JAK1: variants seen among roughly 807,000 people sequenced by gnomAD.
JAK1 encodes Janus kinase 1.
In JAK1, 16 loss-of-function variants were observed where a neutral mutation model predicts 136.6. That is an observed-to-expected ratio of 0.12 (90% CI 0.08 to 0.18). The LOEUF is 0.18. JAK1 is among the 10% of genes least tolerant of loss of function. The pLI, the probability that JAK1 is intolerant of heterozygous loss-of-function variation, is 1.00. For missense variants in JAK1, 859 were observed against 1,450.1 expected, an observed-to-expected ratio of 0.59 and a Z score of 6.62; for synonymous variants, 492 against 519.5, an observed-to-expected ratio of 0.95 and a Z score of 0.72.
chr1:64,921,883 A>C (rs926890054), intron 1 of JAK1, among the ~76,000 whole-genome samples: 5 of 152,012 alleles, frequency 3.3e-5, no homozygotes, highest in African/African-American at 1.2e-4. Context: ...ATAATTCTTG[A>C]ACTCTGTCCT....
chr1:64,936,619 A>C (rs1365607371), intron 1 of JAK1, among the ~76,000 whole-genome samples: 1 of 152,236 alleles, frequency 6.6e-6, no homozygotes, highest in African/African-American at 2.4e-5. Context: ...GAAACAGCAC[A>C]GCCCTGTGAC....
intron 4 of JAK1, among the ~76,000 whole-genome samples, chr1:64,876,771 T>A (rs923921757): frequency 6.6e-6 from 1 of 152,142 alleles, no homozygotes; most frequent in African/African-American, 2.4e-5. Context: ...CCTGCCTATA[T>A]TCCTTTTCAA....
At chr1:64,964,016 A>C in intron 1 of JAK1, among the ~76,000 whole-genome samples, 1 of 152,184 alleles carries the variant, frequency 6.6e-6, no homozygotes, top group Non-Finnish European at 1.5e-5. Flanking sequence ...TACCCTTACT[A>C]GTCTAAAAAA....
intron 1 of JAK1, among the ~76,000 whole-genome samples, chr1:64,953,368 G>A (rs1646125168): frequency 1.3e-5 from 2 of 152,172 alleles, no homozygotes; most frequent in Middle Eastern, 3.4e-3. Flanking sequence ...TGAGCCCAAA[G>A]TCACAGAGCT....
chr1:65,047,389 C>T (rs559988168), intron 1 of JAK1, among the ~76,000 whole-genome samples: 7 of 152,182 alleles, frequency 4.6e-5, no homozygotes, highest in African/African-American at 1.7e-4. Context: ...ACATTTGAAC[C>T]TGGTCCTACT....
chr1:64,904,697 C>T (rs1645164023), intron 1 of JAK1, among the ~76,000 whole-genome samples: 1 of 152,018 alleles, frequency 6.6e-6, no homozygotes, highest in African/African-American at 2.4e-5. Flanking sequence ...ACCAGATTCT[C>T]TAGAAAAGGC....
chr1:65,011,887 G>T (rs1164712608), intron 2 of JAK1, among the ~76,000 whole-genome samples: 1 of 152,248 alleles, frequency 6.6e-6, no homozygotes, highest in African/African-American at 2.4e-5. Context: ...GGCCTGAGGG[G>T]CTTCTCTTCT....
Position 64,873,428 on chromosome 1 carries a change from T to C in JAK1, c.425A>G (p.Lys142Arg), listed in dbSNP as rs369863159. The C allele has an allele frequency of 7.4e-6, 12 of 1,613,534 alleles. No homozygotes were observed. The highest frequency in any genetic ancestry group is 1.7e-5 in the Admixed American group (1 of 59,986). ...AAGGAGAGGGGTTGCATCTGGAATC[T>C]TTTTTTTCTCGTAGCCATTTTTCTG... ...KKQKNGYEKK[K>R]IPDATPLLDA... The change falls in exon 5 of 25, where the codon AAG becomes AGG. Residue 142 changes from lysine to arginine, a missense_variant. Physicochemically the swap from Lys to Arg is conservative, Grantham distance 26. Around this residue, in one of 4 missense-constraint regions of JAK1, gnomAD observed 353 missense variants for 494.0 expected, o/e 0.71. Coordinates refer to ENST00000342505, the MANE Select transcript of JAK1 (RefSeq NM_002227.4).
chr1:65,056,350 T>C (rs1460761922), intron 1 of JAK1, among the ~76,000 whole-genome samples: 1 of 152,192 alleles, frequency 6.6e-6, no homozygotes, highest in African/African-American at 2.4e-5. Context: ...CAAGTGTGGC[T>C]CAAGGGATCA....
chr1:65,045,637 T>C (rs1032409541), intron 1 of JAK1, among the ~76,000 whole-genome samples: 3 of 152,174 alleles, frequency 2.0e-5, no homozygotes, highest in Admixed American at 1.3e-4. Flanking sequence ...AGAACTGTCA[T>C]GAGGACTAAA....
rs1007746850 is a variant in JAK1 at position 64,999,903 on chromosome 1, T to C, written c.-78+44577A>G. Reference sequence around the variant, plus strand: ...ATCCATCTCTATATTCTGGCATGTCTGGCATGTGATGGGCACTCAAGCAAT... The same window carrying C: ...ATCCATCTCTATATTCTGGCATGTCCGGCATGTGATGGGCACTCAAGCAAT... On this transcript the variant is annotated intron_variant, in intron 2 of 25. Transcript: ENST00000671954. Among the ~76,000 whole-genome samples the C allele has an allele frequency of 4.6e-5, 7 of 152,246 alleles. No individual in the cohort carries two copies. The South Asian group carries it at 1.2e-3, about 27-fold the overall frequency.
At chr1:65,019,058 G>T (rs1005489765) in intron 2 of JAK1, among the ~76,000 whole-genome samples, 10 of 151,848 alleles carry the variant, frequency 6.6e-5, no homozygotes, top group African/African-American at 2.2e-4. Flanking sequence ...CAAAAATCTC[G>T]AACAATCCTA....
chr1:64,872,365 T>C (rs1657124049), intron 5 of JAK1, among the ~76,000 whole-genome samples: 1 of 152,228 alleles, frequency 6.6e-6, no homozygotes, highest in Admixed American at 6.5e-5. Context: ...CAGATTCCTT[T>C]TTATTCTTCA....
intron 1 of JAK1, among the ~76,000 whole-genome samples, chr1:64,901,305 TATA>T (rs1013825267): frequency 4.6e-5 from 7 of 152,234 alleles, no homozygotes. Flanking sequence ...AAAACTGTTT[TATA>T]ATATTAAATG....
At chr1:64,992,819 G>A (rs2100728343) in intron 2 of JAK1, 1 of 151,306 alleles carries the variant, frequency 6.6e-6, no homozygotes, top group East Asian at 2.0e-4. Context: ...AATCCAGGAG[G>A]TGGAGCTTGC....
intron 1 of JAK1, among the ~76,000 whole-genome samples, chr1:64,905,586 C>G (rs1015749051): frequency 2.6e-5 from 4 of 151,836 alleles, no homozygotes; most frequent in Non-Finnish European, 5.9e-5. Flanking sequence ...TCCCTGTCTT[C>G]ACTCCCTTAA....
chr1:64,892,463 T>C (rs942742176), intron 1 of JAK1, among the ~76,000 whole-genome samples: 1 of 152,056 alleles, frequency 6.6e-6, no homozygotes, highest in African/African-American at 2.4e-5. Flanking sequence ...GTTGTTGTTG[T>C]TTTTGGGAAA....
intron 1 of JAK1, among the ~76,000 whole-genome samples, chr1:64,927,801 C>T (rs1645607650): frequency 6.6e-6 from 1 of 152,162 alleles, no homozygotes; most frequent in African/African-American, 2.4e-5. Context: ...GAATACAAAG[C>T]CCCTGTATTT....
Position 64,886,282 on chromosome 1 carries a change from G to T in JAK1, c.-18C>A, listed in dbSNP as rs908636823. 2 of 1,596,494 alleles carry T rather than the reference G, an allele frequency of 1.3e-6. No homozygotes were observed. The highest frequency in any genetic ancestry group is 1.7e-6 in the Non-Finnish European group (2 of 1,172,784). ...ACCTGCATTTATTCAGCTGTCCAGT[G>T]TTCTCCAAGAAGCAAACTGGATTTT... On this transcript the variant is annotated 5_prime_UTR_variant, in exon 2 of 25. Coordinates refer to ENST00000342505, the MANE Select transcript of JAK1 (RefSeq NM_002227.4).
Sources: allele counts gnomAD v4.1 joint callset (sites outside exome capture counted in the v4.1 genomes callset), GRCh38; gene constraint gnomAD v4.1.1; regional missense constraint gnomAD v4.1.1; transcripts MANE v1.5; gene names NCBI Gene and HGNC (gene_info 2026-07-23, HGNC 2026-07-21).